Variants in INTS7 observed in about 807,000 individuals in gnomAD.
INTS7 encodes integrator complex subunit 7.
A neutral mutation model predicts 109.2 loss-of-function variants in INTS7; 46 were observed. The observed-to-expected ratio is 0.42, with a 90% CI of 0.33 to 0.54. The LOEUF (loss-of-function observed/expected upper bound fraction) is 0.54. Ranked by LOEUF, INTS7 falls within the 20% of genes least tolerant of loss-of-function variation. The pLI, the probability that INTS7 is intolerant of heterozygous loss-of-function variation, is 0.07. For missense variants in INTS7, 929 were observed against 1,132.4 expected, an observed-to-expected ratio of 0.82 and a Z score of 2.58; for synonymous variants, 412 against 402.9, an observed-to-expected ratio of 1.02 and a Z score of -0.27.
At chr1:211,962,389 G>A in intron 16 of INTS7, among the ~76,000 whole-genome samples, 1 of 151,882 alleles carries the variant, frequency 6.6e-6, no homozygotes, top group Non-Finnish European at 1.5e-5. Context: ...TAAAGCAAGT[G>A]CTTAGAGACC....
At chr1:212,023,551 T>G (rs1033946586) in intron 1 of INTS7, among the ~76,000 whole-genome samples, 5 of 152,200 alleles carry the variant, frequency 3.3e-5, no homozygotes, top group Admixed American at 2.6e-4. Context: ...TGTCTTCTTT[T>G]GAGAATGCTT....
At chr1:211,950,307 T>C (rs1223998400) in intron 17 of INTS7, among the ~76,000 whole-genome samples, 1 of 152,222 alleles carries the variant, frequency 6.6e-6, no homozygotes, top group Non-Finnish European at 1.5e-5. Flanking sequence ...GTTTCACTCT[T>C]GTCACCCAGG....
chr1:211,950,166 A>G (rs891769389), intron 17 of INTS7, among the ~76,000 whole-genome samples: 4 of 152,182 alleles, frequency 2.6e-5, no homozygotes, highest in Non-Finnish European at 5.9e-5. Context: ...TCATTTTTCT[A>G]TCCCTAGGAT....
intron 17 of INTS7, among the ~76,000 whole-genome samples, chr1:211,951,028 AT>A (rs1170267357): frequency 6.6e-6 from 1 of 152,266 alleles, no homozygotes; most frequent in African/African-American, 2.4e-5. Context: ...ACAATTTTAC[AT>A]GGAAAGCAAT....
At position 211,952,468 on chromosome 1, in the gene INTS7, C is replaced by T. The variant is rs187150964; in HGVS notation, c.2316+101G>A. 10 of 1,193,116 alleles carry T rather than the reference C, an allele frequency of 8.4e-6. No individual in the cohort carries two copies. The East Asian group carries it at 2.4e-4, about 28-fold the overall frequency. The allele number at this position is 1,193,116 out of a possible 1,614,324, so 73.9% of individuals were successfully genotyped here. A position where few individuals can be genotyped will look rare whatever the true frequency, so the allele number is the denominator to read the frequency against. On this transcript the variant is annotated intron_variant, in intron 17 of 19. Transcript: ENST00000366994. Reference sequence around the variant, plus strand: ...CCTGTTTTATGGATAAGGAAACAGGCACAGAAAGGTTAATTTGTTGAACTC... The same window carrying T: ...CCTGTTTTATGGATAAGGAAACAGGTACAGAAAGGTTAATTTGTTGAACTC...
chr1:212,003,325 A>AC (rs1665764598), intron 7 of INTS7, among the ~76,000 whole-genome samples: 1 of 148,284 alleles, frequency 6.7e-6, no homozygotes, highest in Non-Finnish European at 1.5e-5. Flanking sequence ...AAAAAAAAAA[A>AC]CCCTTCAAAG....
intron 16 of INTS7, among the ~76,000 whole-genome samples, chr1:211,963,526 G>A (rs1045474547): frequency 6.6e-6 from 1 of 152,032 alleles, no homozygotes; most frequent in African/African-American, 2.4e-5. Context: ...AAACCTGGTG[G>A]AGACACAACA....
Position 212,032,047 on chromosome 1 carries a change from A to G in INTS7, c.94+3297T>C, listed in dbSNP as rs151157461. On this transcript the variant is annotated intron_variant, in intron 1 of 19. Coordinates refer to ENST00000366994, the MANE Select transcript of INTS7 (RefSeq NM_015434.4). ...AGACATCTCAAATTTAACATGACCC[A>G]AACTGATTTGATTTCAGTAAACAAT... is the stretch of plus-strand genomic sequence containing the variant. Among the ~76,000 whole-genome samples the G allele has an allele frequency of 2.0e-5, 3 of 152,312 alleles. No individual in the cohort carries two copies. The East Asian group carries it at 5.8e-4, about 29-fold the overall frequency.
At chr1:212,033,418 C>G (rs1571926880) in intron 1 of INTS7, among the ~76,000 whole-genome samples, 2 of 152,218 alleles carry the variant, frequency 1.3e-5, no homozygotes, top group Admixed American at 6.5e-5. Flanking sequence ...CTGTAAAACA[C>G]TCACGCCAGG....
chr1:211,955,346 C>T (rs1663314783), intron 16 of INTS7, among the ~76,000 whole-genome samples: 1 of 152,176 alleles, frequency 6.6e-6, no homozygotes, highest in South Asian at 2.1e-4. Context: ...CAAACAGGGA[C>T]AATCTGACTT....
In INTS7 at chr1:212,006,765, T is replaced by C. The variant is rs1665931229; in HGVS notation, c.757-4A>G. 2 of 1,598,778 alleles carry C rather than the reference T, an allele frequency of 1.3e-6. No homozygotes were observed. The highest frequency in any genetic ancestry group is 2.7e-5 in the African/African-American group (2 of 74,344). On this transcript the variant is annotated splice_region_variant and splice_polypyrimidine_tract_variant and intron_variant, in intron 6 of 19. Transcript: ENST00000366994. ...AATACTGCAACAGAAGCTGAATCTA[T>C]AAAGGAAATAAGTCACTCCATAAAC...
intron 9 of INTS7, 53 bp from the exon 10 acceptor site, chr1:211,981,243 C>A (rs1188086139): frequency 1.8e-6 from 2 of 1,129,342 alleles, no homozygotes; most frequent in Non-Finnish European, 2.7e-6. Flanking sequence ...TGTACAAACA[C>A]ACACACATAT....
At chr1:211,947,671 G>A (rs946471913) in intron 17 of INTS7, among the ~76,000 whole-genome samples, 2 of 152,154 alleles carry the variant, frequency 1.3e-5, no homozygotes, top group Admixed American at 6.5e-5. Flanking sequence ...GGTCCCAGCC[G>A]CTTACAGGCT....
intron 5 of INTS7, among the ~76,000 whole-genome samples, chr1:212,010,673 C>T (rs574932873): frequency 6.6e-6 from 1 of 152,228 alleles, no homozygotes; most frequent in Middle Eastern, 3.4e-3. Context: ...CACCACAGTG[C>T]AATATATTAC....
intron 5 of INTS7, among the ~76,000 whole-genome samples, chr1:212,010,303 C>T (rs758356305): frequency 2.2e-4 from 33 of 152,276 alleles, no homozygotes; most frequent in Admixed American, 3.9e-4. Context: ...GGGTATGACA[C>T]GTGTATTAAC....
intron 7 of INTS7, among the ~76,000 whole-genome samples, chr1:211,992,462 C>A (rs1238313164): frequency 1.3e-5 from 2 of 152,102 alleles, no homozygotes; most frequent in Non-Finnish European, 2.9e-5. Context: ...CTAAAGCAGT[C>A]TCAGTAAATA....
chr1:211,970,545 T>C (rs567523877), intron 13 of INTS7, among the ~76,000 whole-genome samples: 41 of 152,338 alleles, frequency 2.7e-4, no homozygotes, highest in African/African-American at 9.1e-4. Context: ...TTACCTCATA[T>C]TGACCTTAGC....
chr1:211,968,943 A>C (rs1178052004), intron 13 of INTS7, among the ~76,000 whole-genome samples: 2 of 152,222 alleles, frequency 1.3e-5, no homozygotes, highest in East Asian at 3.8e-4. Flanking sequence ...CTTACTGCCT[A>C]CATTCACAAA....
At chr1:211,990,230 C>A (rs1665084546) in intron 7 of INTS7, among the ~76,000 whole-genome samples, 1 of 151,698 alleles carries the variant, frequency 6.6e-6, no homozygotes, top group Non-Finnish European at 1.5e-5. Flanking sequence ...TCAGAAACAA[C>A]CCTAATGTCC....
Sources: allele counts gnomAD v4.1 joint callset (sites outside exome capture counted in the v4.1 genomes callset), GRCh38; gene constraint gnomAD v4.1.1; transcripts MANE v1.5; gene names NCBI Gene and HGNC (gene_info 2026-07-23, HGNC 2026-07-21).